AQR: variants seen among roughly 807,000 people sequenced by gnomAD.
AQR encodes the protein aquarius intron-binding spliceosomal factor, also known as RNA helicase aquarius.
A neutral mutation model predicts 180.5 loss-of-function variants in AQR; 61 were observed. The observed-to-expected ratio is 0.34, with a 90% CI of 0.28 to 0.42. AQR has a LOEUF of 0.42. AQR is among the 10% of genes least tolerant of loss of function. The pLI is 1.00. For missense variants in AQR, 1,281 were observed against 1,798.3 expected, an observed-to-expected ratio of 0.71 and a Z score of 5.20; for synonymous variants, 551 against 588.8, an observed-to-expected ratio of 0.94 and a Z score of 0.93.
rs1340052608 is a variant in AQR, at chr15:34,874,670, C to T, written c.3425+7G>A. On this transcript the variant is annotated splice_region_variant and intron_variant, in intron 29 of 34. Coordinates refer to ENST00000156471, the MANE Select transcript of AQR (RefSeq NM_014691.3). Reference sequence around the variant, plus strand: ...ATGGGAATGATTTTTTTTCCTGTCTCTTTTACCTTGCTCTGGCTCTCCCTT... The same window carrying T: ...ATGGGAATGATTTTTTTTCCTGTCTTTTTTACCTTGCTCTGGCTCTCCCTT... 3.1e-6 allele frequency: 5 copies of T among 1,610,846 alleles called. No homozygotes were observed. The highest frequency in any genetic ancestry group is 1.7e-5 in the Admixed American group (1 of 59,222).
At chr15:34,966,831 C>T (rs2050311570) in intron 1 of AQR, among the ~76,000 whole-genome samples, 1 of 147,156 alleles carries the variant, frequency 6.8e-6, no homozygotes, top group Non-Finnish European at 1.5e-5. Flanking sequence ...TTCTAGAGTG[C>T]AAAGAAAGGT....
intron 27 of AQR, among the ~76,000 whole-genome samples, chr15:34,877,155 A>G (rs1892899200): frequency 6.6e-6 from 1 of 152,216 alleles, no homozygotes; most frequent in African/African-American, 2.4e-5. Context: ...TCCTTCTTCG[A>G]TAATTACTAC....
intron 1 of AQR, among the ~76,000 whole-genome samples, chr15:34,968,255 ATTTT>A (rs11315761): frequency 2.1e-5 from 3 of 143,658 alleles, no homozygotes; most frequent in Non-Finnish European, 3.1e-5. Context: ...GAAGGAAGAG[ATTTT>A]TTTTTTTTTT....
At chr15:34,888,772 G>C (rs140273189) in intron 24 of AQR, among the ~76,000 whole-genome samples, 187 of 152,228 alleles carry the variant, frequency 1.2e-3, no homozygotes, top group Admixed American at 2.2e-3. Context: ...GTTGTTTTAG[G>C]ATAGTGTAAT....
chr15:34,955,672 C>T (rs1894301649), intron 3 of AQR, among the ~76,000 whole-genome samples: 1 of 152,126 alleles, frequency 6.6e-6, no homozygotes, highest in African/African-American at 2.4e-5. Flanking sequence ...CTTTGGGAGG[C>T]CGAGGCATAC....
intron 11 of AQR, 79 bp downstream of exon 11, chr15:34,932,239 A>G (rs931819470): frequency 8.3e-6 from 10 of 1,207,022 alleles, no homozygotes; most frequent in African/African-American, 1.5e-5. Context: ...TTATGCCCTG[A>G]TACTCCCAGT....
intron 13 of AQR, among the ~76,000 whole-genome samples, chr15:34,920,977 A>G (rs964194515): frequency 2.0e-5 from 3 of 152,082 alleles, no homozygotes; most frequent in African/African-American, 7.2e-5. Flanking sequence ...AACAATAATA[A>G]TAACAATACT....
intron 13 of AQR, among the ~76,000 whole-genome samples, chr15:34,923,276 T>C (rs940784796): frequency 1.3e-5 from 2 of 152,126 alleles, no homozygotes; most frequent in African/African-American, 4.8e-5. Context: ...TCCACTGGGG[T>C]TCTGGAACAC....
chr15:34,875,785 TA>T, intron 28 of AQR, 149 bp downstream of exon 28: 1 of 530,444 alleles, frequency 1.9e-6, no homozygotes, highest in African/African-American at 1.9e-5. Flanking sequence ...CAAGAAAGTT[TA>T]CAGGCTTAAA....
At chr15:34,894,684 G>C (rs940456354) in intron 22 of AQR, among the ~76,000 whole-genome samples, 3 of 152,042 alleles carry the variant, frequency 2.0e-5, no homozygotes, top group South Asian at 4.1e-4. Flanking sequence ...AAAGTATTTA[G>C]ATGTAGCACA....
At position 34,852,901 on chromosome 15, in the gene AQR, G is replaced by C. The variant is rs981982244; in HGVS notation, c.*3891C>G. 6.6e-6 allele frequency: 1 copy of C among 152,216 alleles called. No homozygotes were observed. Among genetic ancestry groups the C allele is most frequent in the African/African-American group, 2.4e-5 (1 of 41,450 alleles). 9.4% of individuals were successfully genotyped at this position (152,216 alleles called of 1,614,324 possible). On this transcript the variant is annotated 3_prime_UTR_variant, in exon 35 of 35. Coordinates refer to ENST00000156471, the MANE Select transcript of AQR (RefSeq NM_014691.3). ...GGTAGAGAGATAAGTGAATAAAGCT[G>C]GCACACTGTCAGTCCGGAGTACCAT...
chr15:34,892,397 C>T (rs774586978), intron 23 of AQR, among the ~76,000 whole-genome samples: 13 of 152,250 alleles, frequency 8.5e-5, no homozygotes, highest in South Asian at 2.1e-4. Context: ...AGGGTTAATG[C>T]TTATAATCTC....
chr15:34,874,104 A>C (rs1453038785), intron 29 of AQR, 105 bp from the exon 30 acceptor site: 8 of 1,201,098 alleles, frequency 6.7e-6, no homozygotes, highest in Non-Finnish European at 8.8e-6. Flanking sequence ...TTAAATTTTC[A>C]TGTTAGCCAT....
chr15:34,908,415 G>A (rs1044879831), intron 17 of AQR, among the ~76,000 whole-genome samples: 1 of 151,770 alleles, frequency 6.6e-6, no homozygotes, highest in Admixed American at 6.6e-5. Flanking sequence ...CAGACTGGGC[G>A]ACAGAGTGAG....
intron 2 of AQR, 126 bp downstream of exon 2, chr15:34,964,108 A>T (rs2050296950): frequency 1.4e-6 from 1 of 706,618 alleles, no homozygotes; most frequent in Admixed American, 2.9e-5. Context: ...TAAGCAAAAA[A>T]TTGTATTTTT....
intron 13 of AQR, among the ~76,000 whole-genome samples, chr15:34,924,290 G>C (rs1293261237): frequency 6.6e-6 from 1 of 152,156 alleles, no homozygotes; most frequent in Middle Eastern, 3.2e-3. Context: ...TCCAGAAGGA[G>C]ATCTGCAAAT....
intron 29 of AQR, 114 bp from the exon 30 acceptor site, chr15:34,874,113 A>ATT (rs777911104): frequency 2.1e-5 from 23 of 1,110,102 alleles, no homozygotes; most frequent in Non-Finnish European, 2.8e-5. Context: ...CATGTTAGCC[A>ATT]TTTTGGCTCA....
intron 32 of AQR, among the ~76,000 whole-genome samples, chr15:34,866,140 T>C (rs1028439140): frequency 1.3e-5 from 2 of 152,164 alleles, no homozygotes; most frequent in Non-Finnish European, 2.9e-5. Context: ...TCCTTGCCTA[T>C]ATATAAAAGG....
rs368726033 is a variant in AQR at position 34,932,391 on chromosome 15, T to G, written c.827A>C (p.Asp276Ala). 1.3e-5 allele frequency: 21 copies of G among 1,612,236 alleles called. No individual in the cohort carries two copies. Among genetic ancestry groups the G allele is most frequent in the Middle Eastern group, 1.6e-4 (1 of 6,072 alleles). ...TRRWFNTILDDSHLLVHCYLS... is the reference protein window; with the variant it reads ...TRRWFNTILDASHLLVHCYLS... The stretch of plus-strand genomic sequence containing the variant: ...GTAACAGTGAACCAGAAGGTGGGAA[T>G]CATCCAGGATGGTATTAAACCAGCG... The change falls in exon 11 of 35, where the codon GAT (aspartate) becomes GCT (alanine). Residue 276 changes from aspartate (D) to alanine (A), a missense_variant. Asp to Ala is a moderately radical substitution (Grantham distance 126). Transcript: ENST00000156471.
Sources: gnomAD v4.1 joint callset for allele counts (sites outside exome capture counted in the v4.1 genomes callset) on GRCh38, gnomAD v4.1.1 for gene constraint, MANE v1.5 for transcripts, NCBI Gene and HGNC (gene_info 2026-07-23, HGNC 2026-07-21) for gene names.